The following ATRX variants were observed in gnomAD, a reference collection of about 807,000 sequenced individuals.
ATRX encodes the protein ATRX chromatin remodeler, also known as chromatin remodeler ATRX.
In ATRX, 12 loss-of-function variants were observed where a neutral mutation model predicts 172.6. The ratio of observed to expected loss-of-function variants is 0.07; its 90% CI spans 0.04 to 0.11. The LOEUF (loss-of-function observed/expected upper bound fraction) is 0.11, where lower values mean the gene tolerates loss of function less well. Ranked by LOEUF, ATRX falls within the 10% of genes least tolerant of loss-of-function variation. The pLI, the probability that ATRX is intolerant of heterozygous loss-of-function variation, is 1.00. For synonymous variants in ATRX, 674 were observed against 594.7 expected, an observed-to-expected ratio of 1.13 and a Z score of -1.94; for missense variants, 1,368 against 1,767.4, an observed-to-expected ratio of 0.77 and a Z score of 4.05.
intron 1 of ATRX, among the ~76,000 whole-genome samples, chrX:77,736,217 G>A (rs2074557160): frequency 9.0e-6 from 1 of 111,212 alleles, no homozygotes; most frequent in Admixed American, 9.6e-5. Context: ...TGACAAATGG[G>A]ATCACATCAA....
At chrX:77,630,289 T>G (rs1301974162) in intron 19 of ATRX, among the ~76,000 whole-genome samples, 1 of 112,139 alleles carries the variant, frequency 8.9e-6, no homozygotes, top group Non-Finnish European at 1.9e-5. Flanking sequence ...AGGGGAAGAT[T>G]TAATATTGTT....
rs111437851 is a variant in ATRX at position 77,741,037 on chromosome X, T to TACAC, written c.21-23798_21-23795dup. On this transcript the variant is annotated intron_variant, in intron 1 of 34. Coordinates refer to ENST00000373344, the MANE Select transcript of ATRX (RefSeq NM_000489.6). ...GAGCAACATAGTGAGACCCTGTCTCTACACACACACACACACACACACACA... is the reference window on the plus strand; with the variant it reads ...GAGCAACATAGTGAGACCCTGTCTCTACACACACACACACACACACACACACACA... 9.9e-3 allele frequency among the ~76,000 whole-genome samples: 984 copies of TACAC among 99,188 alleles called. 5 individuals are homozygous for TACAC. The highest frequency in any genetic ancestry group is 0.014 in the East Asian group (45 of 3,120). 86.1% of individuals were successfully genotyped at this position (99,188 alleles called of 115,157 possible). A position where few individuals can be genotyped will look rare whatever the true frequency, so the allele number is the denominator to read the frequency against.
At chrX:77,599,884 G>T in intron 23 of ATRX, 64 bp from the exon 24 acceptor site, 1 of 909,063 alleles carries the variant, frequency 1.1e-6, no homozygotes, top group Non-Finnish European at 1.6e-6. Flanking sequence ...AAATTATATT[G>T]ATGTTCATTT....
intron 9 of ATRX, among the ~76,000 whole-genome samples, chrX:77,678,236 GAGAC>G (rs10639778): frequency 0.53 from 54,343 of 102,541 alleles, 12,793 homozygotes; most frequent in Non-Finnish European, 0.68. Context: ...AAAAAAAAAA[GAGAC>G]AGACAGAGAG....
intron 12 of ATRX, among the ~76,000 whole-genome samples, chrX:77,661,104 G>C (rs1267808814): frequency 1.8e-5 from 2 of 112,140 alleles, no homozygotes; most frequent in African/African-American, 3.2e-5. Flanking sequence ...AGGGAAAAAA[G>C]TGGTCATGCT....
chrX:77,685,943 A>G (rs1557143642), intron 7 of ATRX, among the ~76,000 whole-genome samples: 1 of 112,227 alleles, frequency 8.9e-6, no homozygotes, highest in Non-Finnish European at 1.9e-5. Flanking sequence ...CCAGGCACAG[A>G]AAGACAAACA....
At chrX:77,555,813 G>T (rs1024420094) in intron 30 of ATRX, among the ~76,000 whole-genome samples, 6 of 110,244 alleles carry the variant, frequency 5.4e-5, no homozygotes, top group Non-Finnish European at 9.5e-5. Context: ...CATGGCACAT[G>T]TATACCTATG....
chrX:77,524,161 T>C (rs1478944698), intron 30 of ATRX, among the ~76,000 whole-genome samples: 2 of 111,523 alleles, frequency 1.8e-5, no homozygotes, highest in Non-Finnish European at 3.8e-5. Flanking sequence ...CAAAGATAGA[T>C]GGGGTGGGGG....
intron 1 of ATRX, among the ~76,000 whole-genome samples, chrX:77,765,670 A>T (rs996803082): frequency 2.8e-5 from 3 of 105,721 alleles, no homozygotes; most frequent in East Asian, 5.8e-4. Flanking sequence ...CAATTTTCTC[A>T]TTTTTTTTTA....
At chrX:77,779,408 A>C (rs1190852683) in intron 1 of ATRX, among the ~76,000 whole-genome samples, 2 of 110,983 alleles carry the variant, frequency 1.8e-5, no homozygotes, top group African/African-American at 3.3e-5. Context: ...TATGGAAAAT[A>C]AGACTAATCT....
intron 1 of ATRX, among the ~76,000 whole-genome samples, chrX:77,726,316 C>T (rs1557172859): frequency 1.8e-5 from 2 of 110,143 alleles, no homozygotes; most frequent in African/African-American, 3.3e-5. Flanking sequence ...AGTTCATGTC[C>T]TATATAGGGA....
At position 77,548,433 on chromosome X, in the gene ATRX, G is replaced by C. The variant is rs781997966; in HGVS notation, c.6699+9018C>G. Among the ~76,000 whole-genome samples the C allele has an allele frequency of 6.3e-5, 7 of 111,137 alleles. No individual in the cohort carries two copies. The South Asian group carries it at 2.7e-3, about 42-fold the overall frequency. ...GATTAAAAAAAAGGCAAAGAAGTAG[G>C]AGACAATGACATCAAACCTTATATA... On this transcript the variant is annotated intron_variant, in intron 30 of 34. Coordinates refer to ENST00000373344, the MANE Select transcript of ATRX (RefSeq NM_000489.6).
Position 77,656,577 on chromosome X carries a change from T to G in ATRX, c.4197A>C (p.Glu1399Asp). 8.3e-7 allele frequency: 1 copy of G among 1,208,628 alleles called. No homozygotes were observed. The highest frequency in any genetic ancestry group is 1.1e-6 in the Non-Finnish European group (1 of 893,658). The change falls in exon 13 of 35, where the codon GAA becomes GAC. Residue 1399 changes from glutamate (E) to aspartate (D), a missense_variant. Physicochemically the swap from Glu to Asp is conservative, Grantham distance 45. Around this residue, in one of 17 missense-constraint regions of ATRX, gnomAD observed 119 missense variants for 131.3 expected, o/e 0.91. Coordinates refer to ENST00000373344, the MANE Select transcript of ATRX (RefSeq NM_000489.6). ...TATAATACCTTGTTCTGGGCCGCTG[T>G]TCATCTTCGGATTCACTAACTTCTT... ...VSEEVSESED[E>D]QRPRTRSAKK...
chrX:77,611,095 C>A (rs2067135621), intron 22 of ATRX, among the ~76,000 whole-genome samples: 1 of 110,602 alleles, frequency 9.0e-6, no homozygotes, highest in African/African-American at 3.3e-5. Flanking sequence ...GCAGTTCCAA[C>A]TTCTAGTTTA....
intron 26 of ATRX, among the ~76,000 whole-genome samples, chrX:77,591,762 T>C (rs2066265048): frequency 8.9e-6 from 1 of 112,252 alleles, no homozygotes; most frequent in African/African-American, 3.2e-5. Flanking sequence ...ATTGAATCAA[T>C]TCTTTCTGTG....
At chrX:77,565,859 A>C (rs1313989531) in intron 28 of ATRX, among the ~76,000 whole-genome samples, 1 of 110,802 alleles carries the variant, frequency 9.0e-6, no homozygotes, top group African/African-American at 3.3e-5. Context: ...GTCTCAAAAA[A>C]AAAAAAAATT....
intron 1 of ATRX, among the ~76,000 whole-genome samples, chrX:77,720,234 T>C (rs1283240786): frequency 9.0e-6 from 1 of 111,726 alleles, no homozygotes; most frequent in African/African-American, 3.3e-5. Context: ...GCAGGAAATA[T>C]CTAAAGTCAA....
At chrX:77,573,865 A>G (rs2065508794) in intron 28 of ATRX, among the ~76,000 whole-genome samples, 1 of 111,720 alleles carries the variant, frequency 9.0e-6, no homozygotes, top group Non-Finnish European at 1.9e-5. Flanking sequence ...AAACTTGAAC[A>G]TGAAAGCTTA....
At chrX:77,720,368 T>A (rs2073686352) in intron 1 of ATRX, among the ~76,000 whole-genome samples, 2 of 111,407 alleles carry the variant, frequency 1.8e-5, no homozygotes, top group South Asian at 7.5e-4. Flanking sequence ...GAAAAACCCT[T>A]CAAACTATCA....
Sources: allele counts gnomAD v4.1 joint callset (sites outside exome capture counted in the v4.1 genomes callset), GRCh38; gene constraint gnomAD v4.1.1; regional missense constraint gnomAD v4.1.1; transcripts MANE v1.5; gene names NCBI Gene and HGNC (gene_info 2026-07-23, HGNC 2026-07-21).